The following CDH13 variants were observed in gnomAD, a reference collection of about 807,000 sequenced individuals.
CDH13 encodes cadherin-13.
CDH13 carries 24 observed loss-of-function variants against 63.8 expected under a neutral mutation model. The observed-to-expected ratio is 0.38, with a 90% CI of 0.27 to 0.53. The LOEUF is 0.53. CDH13 is among the 20% of genes least tolerant of loss of function. The pLI, the probability that CDH13 is intolerant of heterozygous loss-of-function variation, is 0.85. For missense variants in CDH13, 1,049 were observed against 903.1 expected, an observed-to-expected ratio of 1.16 and a Z score of -2.07; for synonymous variants, 503 against 355.3, an observed-to-expected ratio of 1.42 and a Z score of -4.67.
In CDH13 at chr16:83,216,408, A is replaced by ATGTGTG. The variant is rs66685513; in HGVS notation, c.484-936_484-935insGTGTGT. On this transcript the variant is annotated intron_variant, in intron 4 of 13. Coordinates refer to ENST00000567109, the MANE Select transcript of CDH13 (RefSeq NM_001257.5). ...GCCTCCAGCATTGAAATATATATATATATATATATATATATATATATATAT... is the reference window on the plus strand; with the variant it reads ...GCCTCCAGCATTGAAATATATATATATGTGTGTATATATATATATATATATATATAT... 5.1e-3 allele frequency among the ~76,000 whole-genome samples: 384 copies of ATGTGTG among 76,006 alleles called. 17 individuals carry two copies. The highest frequency in any genetic ancestry group is 0.017 in the African/African-American group (362 of 20,716). 49.9% of individuals were successfully genotyped at this position (76,006 alleles called of 152,430 possible).
chr16:83,122,264 G>C (rs576089806), intron 3 of CDH13, among the ~76,000 whole-genome samples: 1 of 152,208 alleles, frequency 6.6e-6, no homozygotes, highest in Admixed American at 6.5e-5. Context: ...TTACCTGTAA[G>C]ATGAAGAGCT....
intron 5 of CDH13, among the ~76,000 whole-genome samples, chr16:83,302,441 C>T (rs1226571135): frequency 6.6e-6 from 1 of 152,128 alleles, no homozygotes; most frequent in African/African-American, 2.4e-5. Context: ...TACCAGGACC[C>T]AACATTTATG....
At chr16:83,036,100 G>A (rs956860862) in intron 3 of CDH13, among the ~76,000 whole-genome samples, 1 of 151,730 alleles carries the variant, frequency 6.6e-6, no homozygotes, top group African/African-American at 2.4e-5. Context: ...GCGGAAGAGG[G>A]CCTCAGACCT....
intron 2 of CDH13, among the ~76,000 whole-genome samples, chr16:82,963,017 T>C (rs1907254260): frequency 6.6e-6 from 1 of 152,192 alleles, no homozygotes. Context: ...ATCATTTGTA[T>C]ATTTTTCTAG....
intron 6 of CDH13, among the ~76,000 whole-genome samples, chr16:83,392,257 G>T (rs1052311384): frequency 6.6e-6 from 1 of 152,192 alleles, no homozygotes; most frequent in Non-Finnish European, 1.5e-5. Flanking sequence ...TGTGATATGG[G>T]TGCATGGAGG....
chr16:83,278,045 T>C (rs1464853332), intron 5 of CDH13, among the ~76,000 whole-genome samples: 1 of 152,178 alleles, frequency 6.6e-6, no homozygotes, highest in Non-Finnish European at 1.5e-5. Flanking sequence ...GTTCCTATTC[T>C]CCAAGAAGGC....
At chr16:82,720,801 C>G (rs893586932) in intron 1 of CDH13, among the ~76,000 whole-genome samples, 1 of 152,276 alleles carries the variant, frequency 6.6e-6, no homozygotes, top group East Asian at 1.9e-4. Context: ...GAGTCAGTCA[C>G]AGTGAGTTGG....
At chr16:83,528,842 C>G (rs1212128416) in intron 7 of CDH13, among the ~76,000 whole-genome samples, 1 of 152,148 alleles carries the variant, frequency 6.6e-6, no homozygotes, top group African/African-American at 2.4e-5. Context: ...CCCAGTCTCC[C>G]CATGCCTTTT....
At chr16:83,102,985 C>G (rs2034573051) in intron 3 of CDH13, among the ~76,000 whole-genome samples, 1 of 87,840 alleles carries the variant, frequency 1.1e-5, no homozygotes, top group Admixed American at 1.7e-4. Context: ...TGGAGTCCTG[C>G]TCTGTCACCC....
chr16:83,270,936 T>TTCCCTTCCTCCC (rs2088786935), intron 5 of CDH13, among the ~76,000 whole-genome samples: 1 of 143,904 alleles, frequency 6.9e-6, no homozygotes. Flanking sequence ...TCCTTTCTCT[T>TTCCCTTCCTCCC]TCCCTTCCTC....
chr16:83,172,528 G>A (rs1188987851), intron 4 of CDH13, among the ~76,000 whole-genome samples: 1 of 151,772 alleles, frequency 6.6e-6, no homozygotes, highest in African/African-American at 2.4e-5. Flanking sequence ...AATAACAGCA[G>A]AAATCAGGAT....
intron 5 of CDH13, among the ~76,000 whole-genome samples, chr16:83,314,608 C>G (rs1456468007): frequency 6.6e-6 from 1 of 152,076 alleles, no homozygotes; most frequent in African/African-American, 2.4e-5. Flanking sequence ...GACAAGCCCA[C>G]AACTTCATAT....
chr16:83,582,704 C>CA (rs539059980), intron 7 of CDH13, among the ~76,000 whole-genome samples: 245 of 152,272 alleles, frequency 1.6e-3, no homozygotes, highest in African/African-American at 5.7e-3. Flanking sequence ...TAGCATAAGA[C>CA]CGTGTGCTGA....
At chr16:82,735,817 T>C (rs924154726) in intron 1 of CDH13, among the ~76,000 whole-genome samples, 10 of 152,214 alleles carry the variant, frequency 6.6e-5, no homozygotes, top group African/African-American at 1.9e-4. Context: ...GTAGACTCTT[T>C]AGCAAGTTTC....
chr16:82,740,023 G>A (rs565943631), intron 1 of CDH13, among the ~76,000 whole-genome samples: 4 of 152,116 alleles, frequency 2.6e-5, no homozygotes, highest in South Asian at 2.1e-4. Flanking sequence ...CCATTTCTCT[G>A]GTAAACCTTT....
chr16:83,624,419 G>C (rs1910095577), intron 8 of CDH13, among the ~76,000 whole-genome samples: 1 of 150,588 alleles, frequency 6.6e-6, no homozygotes. Flanking sequence ...TTTTTTCACA[G>C]ATGGCAGGGG....
In CDH13 at chr16:82,743,478, C is replaced by A. The variant is rs9934853; in HGVS notation, c.46-114884C>A. 1.7e-3 allele frequency among the ~76,000 whole-genome samples: 260 copies of A among 152,308 alleles called. 1 individual carries two copies. Among genetic ancestry groups the A allele is most frequent in the African/African-American group, 5.9e-3 (246 of 41,590 alleles). On this transcript the variant is annotated intron_variant, in intron 1 of 13. Transcript: ENST00000567109. The stretch of plus-strand genomic sequence containing the variant: ...GATCCACTCACCCACTTCAGCCTCC[C>A]AAAATGGTGAGATTACAGGCATTAG...
At chr16:83,012,177 G>A (rs541129447) in intron 2 of CDH13, among the ~76,000 whole-genome samples, 106 of 152,186 alleles carry the variant, frequency 7.0e-4, no homozygotes, top group Middle Eastern at 3.4e-3. Context: ...ATGTGTTATA[G>A]TTTAAACACA....
intron 2 of CDH13, among the ~76,000 whole-genome samples, chr16:82,997,084 CGGT>C (rs1912316545): frequency 9.4e-6 from 1 of 106,488 alleles, no homozygotes; most frequent in Non-Finnish European, 1.9e-5. Context: ...ATGGTAATGA[CGGT>C]GGTGATGATG....
Sources: gnomAD v4.1 joint callset for allele counts (sites outside exome capture counted in the v4.1 genomes callset) on GRCh38, gnomAD v4.1.1 for gene constraint, MANE v1.5 for transcripts, NCBI Gene and HGNC (gene_info 2026-07-23, HGNC 2026-07-21) for gene names.